The following ATP7A variants were observed in gnomAD, a reference collection of about 807,000 sequenced individuals.
The protein encoded by ATP7A is copper-transporting ATPase 1.
Under a neutral mutation model 83.5 loss-of-function variants are expected in ATP7A, and 7 were observed. That is an observed-to-expected ratio of 0.08 (90% CI 0.05 to 0.16). The LOEUF (loss-of-function observed/expected upper bound fraction) is 0.16, where lower values mean the gene tolerates loss of function less well. ATP7A is among the 10% of genes least tolerant of loss of function. The probability of loss-of-function intolerance (pLI) is 1.00; values close to 1 mark genes in which losing one functional copy is unlikely to be tolerated. For missense variants in ATP7A, 940 were observed against 1,120.8 expected (o/e 0.84, Z 2.30); for synonymous variants, 354 against 395.2 (o/e 0.90, Z 1.24).
At chrX:77,919,002 T>G (rs2077198060) in intron 1 of ATP7A, among the ~76,000 whole-genome samples, 1 of 111,811 alleles carries the variant, frequency 8.9e-6, no homozygotes, top group Non-Finnish European at 1.9e-5. Flanking sequence ...ATAAATTTTC[T>G]TATTCTATTT....
At chrX:77,928,450 T>C (rs1258046572) in intron 1 of ATP7A, among the ~76,000 whole-genome samples, 1 of 111,143 alleles carries the variant, frequency 9.0e-6, no homozygotes, top group Non-Finnish European at 1.9e-5. Context: ...TGACATGTGC[T>C]CGACCTGTTA....
At chrX:77,946,699 C>A (rs2077381526) in intron 1 of ATP7A, among the ~76,000 whole-genome samples, 1 of 104,054 alleles carries the variant, frequency 9.6e-6, no homozygotes, top group African/African-American at 3.6e-5. Context: ...AAGTGTATTA[C>A]CACTTCACAT....
At chrX:77,934,439 C>T (rs573664447) in intron 1 of ATP7A, among the ~76,000 whole-genome samples, 3 of 111,562 alleles carry the variant, frequency 2.7e-5, no homozygotes, top group South Asian at 3.8e-4. Flanking sequence ...CTGAAGTTTC[C>T]TCTACAGTCT....
intron 1 of ATP7A, among the ~76,000 whole-genome samples, chrX:77,934,313 G>T (rs1421634000): frequency 9.0e-6 from 1 of 111,179 alleles, no homozygotes; most frequent in Non-Finnish European, 1.9e-5. Flanking sequence ...AGCTACTTGG[G>T]ATGCTGAGGT....
intron 1 of ATP7A, among the ~76,000 whole-genome samples, chrX:77,956,785 TTCTC>T (rs1491067410): frequency 1.2e-5 from 1 of 80,809 alleles, no homozygotes; most frequent in Admixed American, 1.4e-4. Context: ...CTTTCTTTCT[TTCTC>T]TTTCTTTCTT....
At chrX:78,019,143 A>C (rs942613940) in intron 12 of ATP7A, among the ~76,000 whole-genome samples, 3 of 112,064 alleles carry the variant, frequency 2.7e-5, no homozygotes, top group East Asian at 5.6e-4. Flanking sequence ...ATGCATAACC[A>C]AAGGAAGTTG....
chrX:77,986,381 AATTTT>A (rs1392789390), intron 2 of ATP7A, among the ~76,000 whole-genome samples: 2 of 112,813 alleles, frequency 1.8e-5, no homozygotes, highest in African/African-American at 6.4e-5. Flanking sequence ...TTTTAATTAT[AATTTT>A]GAGTTTTTAT....
At chrX:77,962,975 A>G in intron 1 of ATP7A, 1 of 258,291 alleles carries the variant, frequency 3.9e-6, no homozygotes, top group South Asian at 4.2e-5. Flanking sequence ...TGTGCCACAT[A>G]TATAGGATAA....
intron 1 of ATP7A, among the ~76,000 whole-genome samples, chrX:77,911,603 G>T (rs1332669440): frequency 9.3e-6 from 1 of 107,313 alleles, no homozygotes; most frequent in Non-Finnish European, 1.9e-5. Context: ...GTGGGGAGGG[G>T]GTGATGCACA....
intron 1 of ATP7A, among the ~76,000 whole-genome samples, chrX:77,932,279 A>G (rs1158433148): frequency 1.0e-5 from 1 of 96,911 alleles, no homozygotes; most frequent in Non-Finnish European, 2.0e-5. Flanking sequence ...GCGGCGGGGC[A>G]GAGGTGCTCC....
chrX:78,010,899 T>C (rs1019883843), intron 7 of ATP7A, among the ~76,000 whole-genome samples: 4 of 111,236 alleles, frequency 3.6e-5, no homozygotes, highest in Non-Finnish European at 7.5e-5. Context: ...TTTTATGGCC[T>C]ATTAATGAGA....
intron 6 of ATP7A, 26 bp downstream of exon 6, chrX:78,003,262 A>G (rs1199204144): frequency 8.4e-7 from 1 of 1,189,440 alleles, no homozygotes; most frequent in Non-Finnish European, 1.1e-6. Flanking sequence ...TGTGTGATTA[A>G]TAAAACTTCC....
At chrX:78,002,245 T>C (rs2077744518) in intron 5 of ATP7A, among the ~76,000 whole-genome samples, 2 of 94,861 alleles carry the variant, frequency 2.1e-5, no homozygotes, top group South Asian at 9.7e-4. Context: ...AATTTTTGTA[T>C]TTTTTTTTTT....
At chrX:78,012,239 A>G (rs536411253) in intron 9 of ATP7A, among the ~76,000 whole-genome samples, 2 of 111,969 alleles carry the variant, frequency 1.8e-5, no homozygotes, top group South Asian at 3.6e-4. Context: ...CTTTTCCTTT[A>G]TCTGATCCTT....
chrX:77,969,466 G>C lies in ATP7A; in HGVS notation c.-21-2155G>C, dbSNP rs1217247738. On this transcript the variant is annotated intron_variant, in intron 1 of 22. Coordinates refer to ENST00000341514, the MANE Select transcript of ATP7A (RefSeq NM_000052.7). ...GGTCCGGATCACTCTCTTCTGCACT[G>C]AGGTGAGGCAGATGTCAAACTCATA... 3 of 1,208,832 alleles carry C rather than the reference G, an allele frequency of 2.5e-6. No individual in the cohort carries two copies. The African/African-American group carries it at 5.2e-5, about 21-fold the overall frequency.
At chrX:78,045,773 A>G (rs1382482555) in intron 22 of ATP7A, among the ~76,000 whole-genome samples, 1 of 112,060 alleles carries the variant, frequency 8.9e-6, no homozygotes, top group African/African-American at 3.3e-5. Flanking sequence ...ACCTGAGGTC[A>G]GTAATTTGAG....
chrX:77,973,923 A>G (rs1171465231), intron 2 of ATP7A, among the ~76,000 whole-genome samples: 3 of 111,528 alleles, frequency 2.7e-5, no homozygotes, highest in African/African-American at 9.8e-5. Flanking sequence ...CAGTTTCTGT[A>G]CATATTTTGT....
intron 1 of ATP7A, among the ~76,000 whole-genome samples, chrX:77,942,965 A>G (rs1427863308): frequency 2.7e-5 from 3 of 109,945 alleles, no homozygotes; most frequent in Non-Finnish European, 1.9e-5. Context: ...ACAGGCAAGC[A>G]CCACCACACC....
At chrX:78,009,820 G>T (rs2077804690) in intron 7 of ATP7A, among the ~76,000 whole-genome samples, 1 of 112,005 alleles carries the variant, frequency 8.9e-6, no homozygotes, top group South Asian at 3.7e-4. Flanking sequence ...AACTAGCCAG[G>T]TGTGGTGCCA....
Sources: gnomAD v4.1 joint callset for allele counts (sites outside exome capture counted in the v4.1 genomes callset) on GRCh38, gnomAD v4.1.1 for gene constraint, MANE v1.5 for transcripts, NCBI Gene and HGNC (gene_info 2026-07-23, HGNC 2026-07-21) for gene names.